Variants in EDEM3 observed in about 807,000 individuals in gnomAD.
EDEM3 encodes the protein ER degradation-enhancing alpha-mannosidase-like protein 3.
Under a neutral mutation model 110.2 loss-of-function variants are expected in EDEM3, and 60 were observed. The ratio of observed to expected loss-of-function variants is 0.54; its 90% CI spans 0.44 to 0.67. The LOEUF (loss-of-function observed/expected upper bound fraction) is 0.67, where lower values mean the gene tolerates loss of function less well. Ranked by LOEUF, EDEM3 falls within the 30% of genes least tolerant of loss-of-function variation. The probability of loss-of-function intolerance (pLI) is 0.00; values close to 1 mark genes in which losing one functional copy is unlikely to be tolerated. For synonymous variants in EDEM3, 352 were observed against 382.9 expected, an observed-to-expected ratio of 0.92 and a Z score of 0.94; for missense variants, 996 against 1,121.0, an observed-to-expected ratio of 0.89 and a Z score of 1.59.
chr1:184,709,863 C>T (rs1391702991), intron 16 of EDEM3, among the ~76,000 whole-genome samples: 2 of 152,004 alleles, frequency 1.3e-5, no homozygotes, highest in African/African-American at 2.4e-5. Context: ...AATCAATATA[C>T]TAATAAGGTA....
intron 2 of EDEM3, among the ~76,000 whole-genome samples, chr1:184,743,801 T>A (rs1652269294): frequency 6.6e-6 from 1 of 152,120 alleles, no homozygotes; most frequent in South Asian, 2.1e-4. Context: ...TAAACCAATT[T>A]TTTTACACAT....
intron 18 of EDEM3, among the ~76,000 whole-genome samples, chr1:184,705,410 C>T (rs958932344): frequency 3.9e-5 from 6 of 152,118 alleles, no homozygotes; most frequent in Admixed American, 1.3e-4. Context: ...GTAGTTCTCT[C>T]CTGTAAGTAC....
chr1:184,727,135 T>C (rs1366775956), intron 6 of EDEM3, among the ~76,000 whole-genome samples: 2 of 152,100 alleles, frequency 1.3e-5, no homozygotes. Flanking sequence ...CTACTAAAAA[T>C]ACAAAAATCA....
chr1:184,698,316 T>A (rs1649434343), intron 19 of EDEM3, among the ~76,000 whole-genome samples: 1 of 151,870 alleles, frequency 6.6e-6, no homozygotes, highest in Non-Finnish European at 1.5e-5. Context: ...TAAGAAGATA[T>A]GTACGAGAAT....
intron 2 of EDEM3, 149 bp downstream of exon 2, chr1:184,749,398 A>C: frequency 1.6e-6 from 1 of 618,776 alleles, no homozygotes; most frequent in Non-Finnish European, 2.8e-6. Flanking sequence ...CCTAAAAACC[A>C]CTACCAGAAA....
chr1:184,744,768 T>C (rs1652337437), intron 2 of EDEM3, among the ~76,000 whole-genome samples: 1 of 152,084 alleles, frequency 6.6e-6, no homozygotes, highest in South Asian at 2.1e-4. Context: ...TATTGTGTTC[T>C]AGCAAATCAA....
chr1:184,713,672 G>A (rs555599679), intron 13 of EDEM3, among the ~76,000 whole-genome samples: 36 of 152,254 alleles, frequency 2.4e-4, no homozygotes, highest in African/African-American at 7.9e-4. Flanking sequence ...TTTAAACAGC[G>A]TGATTAAAGA....
intron 2 of EDEM3, among the ~76,000 whole-genome samples, chr1:184,740,487 TG>T (rs1379151576): frequency 2.6e-5 from 4 of 152,220 alleles, no homozygotes; most frequent in Admixed American, 2.0e-4. Context: ...GTAAATAACA[TG>T]CTCATCATGA....
rs1457593912 is a variant in EDEM3 at position 184,717,554 on chromosome 1, A to G, written c.1231T>C (p.Tyr411His). Residue 411 changes from tyrosine (Y) to histidine (H), a missense_variant, in exon 12 of 20, where the codon TAC (tyrosine) becomes CAC (histidine). Coordinates refer to ENST00000318130, the MANE Select transcript of EDEM3 (RefSeq NM_025191.4). Reference protein sequence around the residue: ...PLRPEFAESTYFLYKATGDPY... With the variant: ...PLRPEFAESTHFLYKATGDPY... The stretch of plus-strand genomic sequence containing the variant: ...TATTTTCTTACTTTATATAAGAAGT[A>G]GGTACTTTCTGCAAATTCTGGCCTT... 2 of 1,607,788 alleles carry G rather than the reference A, an allele frequency of 1.2e-6. No individual in the cohort carries two copies.
At chr1:184,717,241 T>C (rs1571374514) in intron 12 of EDEM3, among the ~76,000 whole-genome samples, 1 of 152,096 alleles carries the variant, frequency 6.6e-6, no homozygotes, top group African/African-American at 2.4e-5. Flanking sequence ...TTTAAATTTC[T>C]AATGCTCAGA....
At chr1:184,724,944 C>CGCTATGGGTCA (rs1651109326) in intron 7 of EDEM3, among the ~76,000 whole-genome samples, 1 of 152,102 alleles carries the variant, frequency 6.6e-6, no homozygotes, top group African/African-American at 2.4e-5. Context: ...GTATTTTAAG[C>CGCTATGGGTCA]GCTATGGGTC....
At position 184,723,809 on chromosome 1, in the gene EDEM3, T is replaced by A; in HGVS notation, c.795A>T (p.Arg265=). 6.3e-7 allele frequency: 1 copy of A among 1,596,270 alleles called. No homozygotes were observed. The highest frequency in any genetic ancestry group is 8.5e-7 in the Non-Finnish European group (1 of 1,174,510). Reference sequence around the variant, plus strand: ...TAGTCACGCCCACTAAATTACTACTTCGCTGTCTTTTTTCCCAGAGAAAAT... The same window carrying A: ...TAGTCACGCCCACTAAATTACTACTACGCTGTCTTTTTTCCCAGAGAAAAT... ...ALDFLWEKRQ[R]SSNLVGVTIN... is the part of the protein sequence containing the mutation. Residue 265 remains arginine, a synonymous_variant, in exon 8 of 20, where the codon CGA becomes CGT. Transcript: ENST00000318130.
chr1:184,695,917 A>G (rs994583079), intron 19 of EDEM3, among the ~76,000 whole-genome samples: 1 of 152,006 alleles, frequency 6.6e-6, no homozygotes, highest in African/African-American at 2.4e-5. Flanking sequence ...GTGCTTCAGC[A>G]TGATGAATGC....
chr1:184,721,432 G>A (rs367562409), intron 8 of EDEM3, 46 bp from the exon 9 acceptor site: 51 of 1,490,762 alleles, frequency 3.4e-5, no homozygotes, highest in African/African-American at 4.3e-5. Flanking sequence ...TTTTAAAACC[G>A]TTAAATTTTT....
intron 19 of EDEM3, among the ~76,000 whole-genome samples, chr1:184,696,318 CCT>C (rs1310094913): frequency 3.3e-5 from 5 of 151,916 alleles, no homozygotes; most frequent in African/African-American, 4.8e-5. Context: ...ATTCCTCTAC[CCT>C]AAGAAGAGGG....
rs975970804 is a variant in EDEM3, at chr1:184,693,632, C to G, written c.*431G>C. On this transcript the variant is annotated 3_prime_UTR_variant, in exon 20 of 20. Transcript: ENST00000318130. The stretch of plus-strand genomic sequence containing the variant: ...AGAATGCCACAATACTCGGATGCAT[C>G]TTCCCAAAAGAGCCTCTAACCCCCA... The G allele has an allele frequency of 1.9e-5, 3 of 158,848 alleles. No individual in the cohort carries two copies. Among genetic ancestry groups the G allele is most frequent in the Non-Finnish European group, 4.2e-5 (3 of 72,126 alleles). The allele number at this position is 158,848 out of a possible 1,614,324, so 9.8% of individuals were successfully genotyped here.
chr1:184,710,610 T>C, intron 15 of EDEM3, 63 bp from the exon 16 acceptor site: 2 of 1,500,992 alleles, frequency 1.3e-6, no homozygotes, highest in Non-Finnish European at 1.8e-6. Context: ...AAAAAACACA[T>C]GTCAAATAAA....
At chr1:184,714,909 T>G (rs1025329657) in intron 13 of EDEM3, among the ~76,000 whole-genome samples, 1 of 152,192 alleles carries the variant, frequency 6.6e-6, no homozygotes, top group African/African-American at 2.4e-5. Flanking sequence ...CACTGTGAGC[T>G]GAACATAATA....
In EDEM3 at chr1:184,737,722, A is replaced by T; in HGVS notation, c.205-11T>A. 6.2e-7 allele frequency: 1 copy of T among 1,611,452 alleles called. No homozygotes were observed. Among genetic ancestry groups the T allele is most frequent in the Non-Finnish European group, 8.5e-7 (1 of 1,178,022 alleles). On this transcript the variant is annotated splice_polypyrimidine_tract_variant and intron_variant, in intron 2 of 19. Transcript: ENST00000318130. ...AGGGTAAGCATGTTCCTGCAAGGAA[A>T]ACTTTAGTAAGTTACTAAGGAAAAT...
Sources: allele counts gnomAD v4.1 joint callset (sites outside exome capture counted in the v4.1 genomes callset), GRCh38; gene constraint gnomAD v4.1.1; transcripts MANE v1.5; gene names NCBI Gene and HGNC (gene_info 2026-07-23, HGNC 2026-07-21).